Variants in GRIP1 observed in about 807,000 individuals in gnomAD.
GRIP1 encodes glutamate receptor interacting protein 1, also known as glutamate receptor-interacting protein 1.
GRIP1 carries 45 observed loss-of-function variants against 129.9 expected under a neutral mutation model. That is an observed-to-expected ratio of 0.35 (90% CI 0.27 to 0.44). The LOEUF is 0.44. Ranked by LOEUF, GRIP1 falls within the 20% of genes least tolerant of loss-of-function variation. The pLI, the probability that GRIP1 is intolerant of heterozygous loss-of-function variation, is 1.00. For missense variants in GRIP1, 1,196 were observed against 1,396.8 expected, an observed-to-expected ratio of 0.86 and a Z score of 2.29; for synonymous variants, 530 against 520.8, an observed-to-expected ratio of 1.02 and a Z score of -0.24.
At position 66,530,868 on chromosome 12, in the gene GRIP1, T is replaced by A. The variant is rs370674032; in HGVS notation, c.419-954A>T. ...AATTTGTACCTAGTTAATACCATGT[T>A]CATTACCAAGTAACACATTTTTTTA... is the stretch of plus-strand genomic sequence containing the variant. On this transcript the variant is annotated intron_variant, in intron 4 of 24. Transcript: ENST00000359742. Among the ~76,000 whole-genome samples the A allele has an allele frequency of 1.1e-4, 17 of 152,152 alleles. No individual in the cohort carries two copies. In the East Asian group the frequency reaches 3.1e-3, roughly 28 times the overall value.
intron 1 of GRIP1, among the ~76,000 whole-genome samples, chr12:66,628,691 A>T (rs1373118897): frequency 1.3e-5 from 2 of 152,240 alleles, no homozygotes; most frequent in African/African-American, 4.8e-5. Flanking sequence ...ATGTGACAAC[A>T]TCTGGAGATA....
chr12:67,052,348 C>T (rs2043359781), intron 1 of GRIP1, among the ~76,000 whole-genome samples: 1 of 152,140 alleles, frequency 6.6e-6, no homozygotes, highest in African/African-American at 2.4e-5. Context: ...AAAACCTGGA[C>T]ATTGTTTTGT....
chr12:66,606,907 C>T (rs1279667247), intron 1 of GRIP1, among the ~76,000 whole-genome samples: 1 of 151,998 alleles, frequency 6.6e-6, no homozygotes, highest in African/African-American at 2.4e-5. Context: ...CTGGAAGCAA[C>T]AAGCAAAAAT....
At chr12:66,956,808 C>A (rs2041848710) in intron 1 of GRIP1, among the ~76,000 whole-genome samples, 1 of 152,130 alleles carries the variant, frequency 6.6e-6, no homozygotes, top group African/African-American at 2.4e-5. Context: ...ATCAAGGCCC[C>A]CTCGGCATAC....
intron 2 of GRIP1, among the ~76,000 whole-genome samples, chr12:66,582,122 A>G (rs1200681422): frequency 1.3e-5 from 2 of 152,020 alleles, no homozygotes; most frequent in African/African-American, 2.4e-5. Context: ...AATAAATGTA[A>G]TCCAGCATAT....
chr12:66,419,226 T>C (rs1324409498), intron 15 of GRIP1, among the ~76,000 whole-genome samples: 1 of 152,106 alleles, frequency 6.6e-6, no homozygotes, highest in Non-Finnish European at 1.5e-5. Context: ...CTCACTTATT[T>C]GTGGTATTTA....
chr12:67,030,044 C>A (rs1238181640), intron 1 of GRIP1, among the ~76,000 whole-genome samples: 21 of 132,964 alleles, frequency 1.6e-4, no homozygotes, highest in African/African-American at 2.9e-4. Flanking sequence ...ACTAAAAATA[C>A]AAAAAAAAAA....
chr12:66,684,800 C>T (rs1358582658), intron 1 of GRIP1, among the ~76,000 whole-genome samples: 1 of 152,084 alleles, frequency 6.6e-6, no homozygotes. Context: ...AGCAGAGATC[C>T]CACCAGTGCA....
At chr12:66,469,975 C>T (rs1395731018) in intron 7 of GRIP1, among the ~76,000 whole-genome samples, 1 of 152,148 alleles carries the variant, frequency 6.6e-6, no homozygotes, top group African/African-American at 2.4e-5. Flanking sequence ...AGGAGCCATC[C>T]CTGGCTCCAT....
At chr12:66,554,101 A>C (rs1164015185) in intron 2 of GRIP1, among the ~76,000 whole-genome samples, 2 of 151,324 alleles carry the variant, frequency 1.3e-5, no homozygotes, top group Non-Finnish European at 2.9e-5. Context: ...TGCTTGCACC[A>C]CTCCTCCCCC....
chr12:67,043,917 G>T (rs1271571378), intron 1 of GRIP1, among the ~76,000 whole-genome samples: 1 of 151,868 alleles, frequency 6.6e-6, no homozygotes, highest in Non-Finnish European at 1.5e-5. Context: ...TTCAAACAGT[G>T]AATAGATAAA....
intron 7 of GRIP1, among the ~76,000 whole-genome samples, chr12:66,494,649 G>A (rs2060187823): frequency 6.6e-6 from 1 of 152,060 alleles, no homozygotes; most frequent in African/African-American, 2.4e-5. Context: ...GAGGTGGGAG[G>A]GTTGCTTGAA....
intron 1 of GRIP1, among the ~76,000 whole-genome samples, chr12:66,665,380 G>C (rs2033739323): frequency 6.6e-6 from 1 of 152,154 alleles, no homozygotes; most frequent in Non-Finnish European, 1.5e-5. Context: ...AACTAGGTGA[G>C]TTTTCAGAAA....
chr12:66,767,312 G>A (rs2037671935), intron 1 of GRIP1, among the ~76,000 whole-genome samples: 1 of 152,116 alleles, frequency 6.6e-6, no homozygotes, highest in Admixed American at 6.5e-5. Context: ...TGAGGAGGAG[G>A]GGAGGAGGGG....
At chr12:66,589,454 A>G (rs1465154814) in intron 2 of GRIP1, among the ~76,000 whole-genome samples, 3 of 152,162 alleles carry the variant, frequency 2.0e-5, no homozygotes, top group Non-Finnish European at 2.9e-5. Context: ...CTACTGACAA[A>G]GTGAAGTTTT....
At chr12:66,629,995 A>G (rs2030571762) in intron 1 of GRIP1, among the ~76,000 whole-genome samples, 1 of 151,854 alleles carries the variant, frequency 6.6e-6, no homozygotes. Flanking sequence ...CTTTTTTTTT[A>G]AATAATAAAT....
chr12:66,878,594 T>C (rs928752042), intron 1 of GRIP1, among the ~76,000 whole-genome samples: 3 of 151,964 alleles, frequency 2.0e-5, no homozygotes, highest in African/African-American at 7.2e-5. Context: ...TGGGACATAT[T>C]CTACATATTC....
intron 1 of GRIP1, among the ~76,000 whole-genome samples, chr12:66,884,583 T>C (rs1418309503): frequency 2.0e-5 from 3 of 152,128 alleles, no homozygotes; most frequent in Non-Finnish European, 2.9e-5. Context: ...TAATGAAATG[T>C]AGAAGTTACA....
intron 1 of GRIP1, among the ~76,000 whole-genome samples, chr12:66,863,010 T>A (rs2040139584): frequency 6.6e-6 from 1 of 152,034 alleles, no homozygotes. Flanking sequence ...AGTTGGATGA[T>A]AACGTAGCAT....
Sources: allele counts gnomAD v4.1 joint callset (sites outside exome capture counted in the v4.1 genomes callset), GRCh38; gene constraint gnomAD v4.1.1; transcripts MANE v1.5; gene names NCBI Gene and HGNC (gene_info 2026-07-23, HGNC 2026-07-21).